Variants in SLIT2 observed in about 807,000 individuals in gnomAD.
The protein encoded by SLIT2 is slit guidance ligand 2.
In SLIT2, 41 loss-of-function variants were observed where a neutral mutation model predicts 185.7. The observed-to-expected ratio is 0.22, with a 90% CI of 0.17 to 0.29. The LOEUF (loss-of-function observed/expected upper bound fraction) is 0.29. Among genes scored for constraint, SLIT2 ranks in the 10% least tolerant of loss-of-function variants. The pLI is 1.00. For synonymous variants in SLIT2, 693 were observed against 680.2 expected (o/e 1.02, Z -0.29); for missense variants, 1,571 against 1,909.0 (o/e 0.82, Z 3.30).
At chr4:20,345,152 G>A (rs994431430) in intron 4 of SLIT2, among the ~76,000 whole-genome samples, 1 of 152,172 alleles carries the variant, frequency 6.6e-6, no homozygotes, top group Non-Finnish European at 1.5e-5. Flanking sequence ...TGCATCCTAT[G>A]AGGCAGGTAA....
chr4:20,315,293 A>G (rs1321178991), intron 4 of SLIT2, among the ~76,000 whole-genome samples: 1 of 152,148 alleles, frequency 6.6e-6, no homozygotes, highest in Non-Finnish European at 1.5e-5. Flanking sequence ...AACGTCATGA[A>G]TATTCAACCA....
chr4:20,502,178 A>T (rs973856744), intron 9 of SLIT2, among the ~76,000 whole-genome samples: 1 of 152,210 alleles, frequency 6.6e-6, no homozygotes, highest in Admixed American at 6.5e-5. Flanking sequence ...TTGTAATATT[A>T]GTTGAGAAGT....
At position 20,533,734 on chromosome 4, in the gene SLIT2, A is replaced by C; in HGVS notation, c.1832+19A>C. On this transcript the variant is annotated intron_variant, in intron 18 of 36. Coordinates refer to ENST00000504154, the MANE Select transcript of SLIT2 (RefSeq NM_004787.4). ...AAACTTTGTAAGTATTTGTACTTGC[A>C]TTGCAGTTCTTCTACCAAAGGATTG... 6.2e-7 allele frequency: 1 copy of C among 1,601,452 alleles called. No homozygotes were observed. Among genetic ancestry groups the C allele is most frequent in the Non-Finnish European group, 8.5e-7 (1 of 1,174,162 alleles).
intron 6 of SLIT2, among the ~76,000 whole-genome samples, chr4:20,482,349 A>G (rs1197567818): frequency 6.6e-6 from 1 of 152,020 alleles, no homozygotes; most frequent in Admixed American, 6.6e-5. Context: ...TATTTATTCA[A>G]TATATGTATA....
At chr4:20,302,988 T>A (rs1478372322) in intron 4 of SLIT2, among the ~76,000 whole-genome samples, 2 of 90,088 alleles carry the variant, frequency 2.2e-5, no homozygotes, top group African/African-American at 6.3e-5. Flanking sequence ...TCCCATTATC[T>A]ACATTAAATC....
intron 9 of SLIT2, among the ~76,000 whole-genome samples, chr4:20,494,819 AT>A (rs1418465636): frequency 9.2e-5 from 14 of 152,104 alleles, no homozygotes; most frequent in Admixed American, 9.2e-4. Context: ...GACTATAATA[AT>A]TTTGGAGCAA....
At chr4:20,565,475 C>G (rs1725017254) in intron 26 of SLIT2, among the ~76,000 whole-genome samples, 1 of 152,006 alleles carries the variant, frequency 6.6e-6, no homozygotes, top group Admixed American at 6.6e-5. Context: ...ATTTAACTAA[C>G]TGCTTTCACT....
chr4:20,339,090 C>CAAAAAAAAAAAAAAAAAAAAAAAAAAA (rs398051113), intron 4 of SLIT2, among the ~76,000 whole-genome samples: 1 of 70,750 alleles, frequency 1.4e-5, no homozygotes. Flanking sequence ...GAGACACTCT[C>CAAAAAAAAAAAAAAAAAAAAAAAAAAA]AAAAAAAAAA....
intron 4 of SLIT2, among the ~76,000 whole-genome samples, chr4:20,332,455 T>G (rs1325710231): frequency 1.3e-5 from 2 of 152,088 alleles, no homozygotes; most frequent in African/African-American, 2.4e-5. Flanking sequence ...ACGCCTGTAA[T>G]CCTAGCACTT....
At chr4:20,559,557 C>T (rs1188066733) in intron 26 of SLIT2, among the ~76,000 whole-genome samples, 2 of 151,872 alleles carry the variant, frequency 1.3e-5, no homozygotes, top group Non-Finnish European at 2.9e-5. Flanking sequence ...ATACTACTAC[C>T]ACTACAAATA....
chr4:20,441,280 C>T (rs1729716589), intron 4 of SLIT2, among the ~76,000 whole-genome samples: 3 of 152,168 alleles, frequency 2.0e-5, no homozygotes, highest in South Asian at 2.1e-4. Flanking sequence ...TCATACATTT[C>T]GTGCTTGTGG....
chr4:20,550,233 AT>A (rs1158416042), intron 24 of SLIT2, among the ~76,000 whole-genome samples: 2 of 151,976 alleles, frequency 1.3e-5, no homozygotes, highest in Admixed American at 1.3e-4. Flanking sequence ...AATATATTTT[AT>A]TTGTTTACTA....
intron 4 of SLIT2, among the ~76,000 whole-genome samples, chr4:20,373,345 A>G (rs550132979): frequency 6.6e-6 from 1 of 152,238 alleles, no homozygotes; most frequent in African/African-American, 2.4e-5. Context: ...TGAAATACCT[A>G]ACTCAATAAT....
chr4:20,462,546 T>A (rs999575898), intron 4 of SLIT2, among the ~76,000 whole-genome samples: 1 of 152,176 alleles, frequency 6.6e-6, no homozygotes, highest in African/African-American at 2.4e-5. Flanking sequence ...TTGCACCAGA[T>A]GCTAACTCCT....
chr4:20,550,880 T>C lies in SLIT2; in HGVS notation c.2543T>C (p.Leu848Pro), dbSNP rs1723684447. 2 of 1,603,108 alleles carry C rather than the reference T, an allele frequency of 1.2e-6. No individual in the cohort carries two copies. The highest frequency in any genetic ancestry group is 2.7e-5 in the African/African-American group (2 of 74,712). The part of the protein sequence containing the change: ...SVVPEGAFND[L>P]SALSHLAIGA... ...GTGCCTGAAGGTGCTTTCAATGATC[T>C]TTCTGCATTATCACATCTGTGAGTA... The change falls in exon 25 of 37, where the codon CTT becomes CCT. Residue 848 changes from leucine (L) to proline (P), a missense_variant. Around this residue, in one of 3 missense-constraint regions of SLIT2, gnomAD observed 1,202 missense variants for 1,416.4 expected, o/e 0.85. Transcript: ENST00000504154.
At chr4:20,358,705 T>C (rs1483502121) in intron 4 of SLIT2, among the ~76,000 whole-genome samples, 2 of 152,134 alleles carry the variant, frequency 1.3e-5, no homozygotes, top group African/African-American at 4.8e-5. Context: ...CAGGGTTGTC[T>C]TAATCATTTC....
intron 4 of SLIT2, among the ~76,000 whole-genome samples, chr4:20,292,857 G>A (rs1189029275): frequency 6.6e-6 from 1 of 152,104 alleles, no homozygotes; most frequent in Non-Finnish European, 1.5e-5. Context: ...CAGTGATAAT[G>A]TATTATATGA....
intron 4 of SLIT2, among the ~76,000 whole-genome samples, chr4:20,315,048 G>A (rs2109145284): frequency 6.6e-6 from 1 of 151,786 alleles, no homozygotes; most frequent in South Asian, 2.1e-4. Context: ...ATAAACATGT[G>A]ATCATACCCA....
chr4:20,411,381 A>G (rs1348434822), intron 4 of SLIT2, among the ~76,000 whole-genome samples: 1 of 152,208 alleles, frequency 6.6e-6, no homozygotes, highest in Non-Finnish European at 1.5e-5. Flanking sequence ...CAGTATATAG[A>G]TGAGGACATT....
Sources: allele counts gnomAD v4.1 joint callset (sites outside exome capture counted in the v4.1 genomes callset), GRCh38; gene constraint gnomAD v4.1.1; regional missense constraint gnomAD v4.1.1; transcripts MANE v1.5; gene names NCBI Gene and HGNC (gene_info 2026-07-23, HGNC 2026-07-21).